Variants in SNX7 observed in about 807,000 individuals in gnomAD.
SNX7 encodes the protein sorting nexin 7.
Under a neutral mutation model 48.4 loss-of-function variants are expected in SNX7, and 35 were observed. The observed-to-expected ratio is 0.72, with a 90% CI of 0.55 to 0.96. The LOEUF (loss-of-function observed/expected upper bound fraction) is 0.96. SNX7 is among the 40% of genes least tolerant of loss of function. The pLI, the probability that SNX7 is intolerant of heterozygous loss-of-function variation, is 0.00. For missense variants in SNX7, 553 were observed against 548.9 expected (o/e 1.01, Z -0.07); for synonymous variants, 190 against 190.2 (o/e 1.00, Z 0.01).
At chr1:98,663,082 ATACT>A (rs1294328820) in intron 1 of SNX7, among the ~76,000 whole-genome samples, 1 of 152,134 alleles carries the variant, frequency 6.6e-6, no homozygotes, top group Non-Finnish European at 1.5e-5. Flanking sequence ...TATTCCACAC[ATACT>A]TCATGTTCAG....
intron 7 of SNX7, 128 bp from the exon 8 acceptor site, chr1:98,738,109 C>A: frequency 1.1e-6 from 1 of 902,734 alleles, no homozygotes; most frequent in South Asian, 1.8e-5. Context: ...AGAGTAAATA[C>A]TGGTGATTAA....
Position 98,738,143 on chromosome 1 carries a change from G to A in SNX7, c.1126-94G>A, listed in dbSNP as rs1653884756. 2.4e-6 allele frequency: 3 copies of A among 1,272,054 alleles called. No homozygotes were observed. The Admixed American group carries it at 6.8e-5, about 29-fold the overall frequency. 78.8% of individuals were successfully genotyped at this position (1,272,054 alleles called of 1,614,324 possible). ...AAAAACAAAAAAGAGTTATATTTAG[G>A]CTGTTTTGGTATTTTGTTCAACTTA... On this transcript the variant is annotated intron_variant, in intron 7 of 8. Transcript: ENST00000306121.
chr1:98,738,338 CAA>C lies in SNX7; in HGVS notation c.1228_1229del (p.Lys410ValfsTer8). 4 of 1,613,388 alleles carry C rather than the reference CAA, an allele frequency of 2.5e-6. No individual in the cohort carries two copies. Among genetic ancestry groups the C allele is most frequent in the Non-Finnish European group, 3.4e-6 (4 of 1,179,616 alleles). ...GGAAACAAAATATGCAAAATGATAT[CAA>C]GTTAGCATTTACAGATATGGCTGAG... ...RWKQNMQNDI[K>X]LAFTDMAEEN... On this transcript the variant is annotated frameshift_variant, in exon 8 of 9. Coordinates refer to ENST00000306121, the MANE Select transcript of SNX7 (RefSeq NM_015976.5). LOFTEE classifies it low-confidence loss of function (END_TRUNC).
At chr1:98,701,414 T>C (rs1651739761) in intron 6 of SNX7, among the ~76,000 whole-genome samples, 1 of 152,160 alleles carries the variant, frequency 6.6e-6, no homozygotes, top group African/African-American at 2.4e-5. Context: ...AGTGTAGATA[T>C]GGTCCATGTG....
At chr1:98,677,990 C>CAT (rs1553197439) in intron 1 of SNX7, among the ~76,000 whole-genome samples, 11,669 of 141,750 alleles carry the variant, frequency 0.082, 491 homozygotes, top group Non-Finnish European at 0.11. Context: ...TGTGTGTGTG[C>CAT]GTGTGTGTGT....
In SNX7 at chr1:98,691,640, G is replaced by C; in HGVS notation, c.580G>C (p.Asp194His). Residue 194 changes from aspartate (D) to histidine (H), a missense_variant, in exon 4 of 9, where the codon GAT (aspartate) becomes CAT (histidine). Coordinates refer to ENST00000306121, the MANE Select transcript of SNX7 (RefSeq NM_015976.5). ...ALHKFLNRIADHPTLTFNEDF... is the reference protein window; with the variant it reads ...ALHKFLNRIAHHPTLTFNEDF... ...ACATAAATTTTTGAACCGAATTGCT[G>C]ATCATCCAACTTTAACATTTAATGA... 2 of 1,610,724 alleles carry C rather than the reference G, an allele frequency of 1.2e-6. No homozygotes were observed. Among genetic ancestry groups the C allele is most frequent in the Non-Finnish European group, 1.7e-6 (2 of 1,178,146 alleles).
chr1:98,691,504 T>C (rs1651122452), intron 3 of SNX7, 31 bp from the exon 4 acceptor site: 7 of 1,540,600 alleles, frequency 4.5e-6, no homozygotes, highest in Non-Finnish European at 6.1e-6. Flanking sequence ...CTAATAATAC[T>C]TGAATACCTT....
At chr1:98,719,606 CTTTA>C (rs2101003932) in intron 7 of SNX7, among the ~76,000 whole-genome samples, 1 of 151,860 alleles carries the variant, frequency 6.6e-6, no homozygotes, top group South Asian at 2.1e-4. Context: ...GGAAATTAGT[CTTTA>C]TTTTTTATTT....
Position 98,663,252 on chromosome 1 carries a change from G to GTTTTTTTTTT in SNX7, c.180+1341_180+1342insTTTTTTTTTT, listed in dbSNP as rs1491348958. ...ATCAGAATCATCAGGGTTTCTTTCT[G>GTTTTTTTTTT]GTTTTTTTTTTTTTTTTTTTTTTTT... is the stretch of plus-strand genomic sequence containing the variant. On this transcript the variant is annotated intron_variant, in intron 1 of 8. Coordinates refer to ENST00000306121, the MANE Select transcript of SNX7 (RefSeq NM_015976.5). Among the ~76,000 whole-genome samples, 40 of 83,158 alleles carry GTTTTTTTTTT rather than the reference G, an allele frequency of 4.8e-4. 17 individuals carry two copies. The highest frequency in any genetic ancestry group is 1.2e-3 in the East Asian group (3 of 2,478). The allele number at this position is 83,158 out of a possible 152,430, so 54.6% of individuals were successfully genotyped here.
At chr1:98,674,454 A>G (rs1445608208) in intron 1 of SNX7, among the ~76,000 whole-genome samples, 1 of 152,134 alleles carries the variant, frequency 6.6e-6, no homozygotes. Context: ...TATTCCCTCC[A>G]TCCATGTTTC....
Position 98,713,447 on chromosome 1 carries a change from CT to C in SNX7, c.1125+11553del, listed in dbSNP as rs141771078. Among the ~76,000 whole-genome samples the C allele has an allele frequency of 1.5e-3, 229 of 151,078 alleles. 1 individual carries two copies. The highest frequency in any genetic ancestry group is 5.1e-3 in the African/African-American group (212 of 41,166). On this transcript the variant is annotated intron_variant, in intron 7 of 8. Coordinates refer to ENST00000306121, the MANE Select transcript of SNX7 (RefSeq NM_015976.5). ...AACTTTCTCCATATCAGCAATAAGG[CT>C]TTTTTTTTGCTTTCTTATAATTCAT... is the stretch of plus-strand genomic sequence containing the variant.
intron 5 of SNX7, among the ~76,000 whole-genome samples, chr1:98,697,046 T>G (rs1315568636): frequency 6.6e-6 from 1 of 152,132 alleles, no homozygotes; most frequent in Admixed American, 6.5e-5. Context: ...GCTTTGCATA[T>G]AAACATAAAT....
At chr1:98,674,381 A>T (rs1178315133) in intron 1 of SNX7, among the ~76,000 whole-genome samples, 1 of 152,174 alleles carries the variant, frequency 6.6e-6, no homozygotes, top group Non-Finnish European at 1.5e-5. Context: ...TGAGAGAGGG[A>T]TCTGTTCCAG....
At chr1:98,740,565 T>C (rs532923920) in intron 8 of SNX7, among the ~76,000 whole-genome samples, 1 of 152,302 alleles carries the variant, frequency 6.6e-6, no homozygotes, top group East Asian at 1.9e-4. Flanking sequence ...TTGGATTTTT[T>C]TAAAAGTGTT....
At chr1:98,728,297 G>A (rs1187820794) in intron 7 of SNX7, among the ~76,000 whole-genome samples, 1 of 152,138 alleles carries the variant, frequency 6.6e-6, no homozygotes, top group African/African-American at 2.4e-5. Flanking sequence ...AGCTTCATAA[G>A]TGAAGGAGAA....
At chr1:98,708,360 A>G (rs1308117181) in intron 7 of SNX7, among the ~76,000 whole-genome samples, 1 of 152,108 alleles carries the variant, frequency 6.6e-6, no homozygotes, top group African/African-American at 2.4e-5. Flanking sequence ...ATTTCCTCAA[A>G]ACTTGTTGGT....
chr1:98,662,542 C>T (rs1649303910), intron 1 of SNX7, among the ~76,000 whole-genome samples: 1 of 152,056 alleles, frequency 6.6e-6, no homozygotes, highest in Non-Finnish European at 1.5e-5. Context: ...TTTTTCCTTG[C>T]CCCCGGGAAA....
At chr1:98,750,430 T>A (rs373554714) in intron 8 of SNX7, among the ~76,000 whole-genome samples, 1 of 152,022 alleles carries the variant, frequency 6.6e-6, no homozygotes, top group Non-Finnish European at 1.5e-5. Flanking sequence ...TGCCATAGAT[T>A]TGTTTGGGTG....
At chr1:98,663,301 T>C (rs1649367767) in intron 1 of SNX7, among the ~76,000 whole-genome samples, 1 of 129,642 alleles carries the variant, frequency 7.7e-6, no homozygotes, top group African/African-American at 3.0e-5. Context: ...TTGTCGGGGC[T>C]GGACCCATCT....
Sources: gnomAD v4.1 joint callset for allele counts (sites outside exome capture counted in the v4.1 genomes callset) on GRCh38, gnomAD v4.1.1 for gene constraint, MANE v1.5 for transcripts, NCBI Gene and HGNC (gene_info 2026-07-23, HGNC 2026-07-21) for gene names.